The following CAMKK2 variants were observed in gnomAD, a reference collection of about 807,000 sequenced individuals.
The protein encoded by CAMKK2 is calcium/calmodulin dependent protein kinase kinase 2, also known as calcium/calmodulin-dependent protein kinase kinase 2.
CAMKK2 carries 30 observed loss-of-function variants against 67.2 expected under a neutral mutation model. The ratio of observed to expected loss-of-function variants is 0.45; its 90% CI spans 0.33 to 0.61. CAMKK2 has a LOEUF of 0.61. Ranked by LOEUF, CAMKK2 falls within the 20% of genes least tolerant of loss-of-function variation. CAMKK2 has a pLI of 0.02. For synonymous variants in CAMKK2, 322 were observed against 326.2 expected, an observed-to-expected ratio of 0.99 and a Z score of 0.14; for missense variants, 643 against 802.0, an observed-to-expected ratio of 0.80 and a Z score of 2.39.
rs1442420276 is a variant in CAMKK2 at position 121,245,017 on chromosome 12, A to T, written c.1553+123T>A. ...TGTCCCAGTGCACCAGGTGGGTTTCATCTGAGTCTCTCCAGATGGCACCAC... is the reference window on the plus strand; with the variant it reads ...TGTCCCAGTGCACCAGGTGGGTTTCTTCTGAGTCTCTCCAGATGGCACCAC... On this transcript the variant is annotated intron_variant, in intron 15 of 16. Transcript: ENST00000404169. This position sits in a 1 kb window ranked among gnomAD's most constrained non-coding sequence, Gnocchi z 5.8. The T allele has an allele frequency of 1.4e-6, 1 of 693,268 alleles. No homozygotes were observed. The highest frequency in any genetic ancestry group is 2.5e-5 in the Admixed American group (1 of 40,546). The allele number at this position is 693,268 out of a possible 1,614,324, so 42.9% of individuals were successfully genotyped here.
chr12:121,288,305 T>A (rs1362990172), intron 1 of CAMKK2, among the ~76,000 whole-genome samples: 1 of 152,182 alleles, frequency 6.6e-6, no homozygotes, highest in South Asian at 2.1e-4. Context: ...CATCGGTGCC[T>A]GGGCTACCCA....
intron 1 of CAMKK2, among the ~76,000 whole-genome samples, chr12:121,288,644 C>T (rs1169553549): frequency 6.6e-6 from 1 of 152,176 alleles, no homozygotes; most frequent in Admixed American, 6.6e-5. Context: ...GCACCACCCA[C>T]AATGCTCCTA....
chr12:121,281,208 G>A (rs1363613072), intron 1 of CAMKK2, among the ~76,000 whole-genome samples: 3 of 152,228 alleles, frequency 2.0e-5, no homozygotes, highest in Admixed American at 6.5e-5. Context: ...CCCGCTAGAC[G>A]CGGGCCTCCA....
At chr12:121,276,083 C>A (rs1226581958) in intron 1 of CAMKK2, among the ~76,000 whole-genome samples, 2 of 150,728 alleles carry the variant, frequency 1.3e-5, no homozygotes, top group African/African-American at 4.9e-5. Context: ...TCACTTGAAC[C>A]CGGGAGGCGG....
chr12:121,250,250 C>T (rs546628988), intron 11 of CAMKK2, among the ~76,000 whole-genome samples: 3 of 152,096 alleles, frequency 2.0e-5, no homozygotes, highest in Admixed American at 2.0e-4. Flanking sequence ...ATGGCCCTCT[C>T]GAAGGGCTAG....
intron 16 of CAMKK2, among the ~76,000 whole-genome samples, chr12:121,242,951 C>T (rs1888665398): frequency 1.3e-5 from 2 of 151,778 alleles, no homozygotes; most frequent in South Asian, 4.1e-4. Context: ...ACTGTGTTAG[C>T]CAGGATGGTC....
upstream of CAMKK2, chr12:121,297,359 G>A (rs1465681963): frequency 1.6e-5 from 5 of 319,508 alleles, no homozygotes; most frequent in South Asian, 2.5e-5. Flanking sequence ...TTCCGCAGCT[G>A]CCTGCCGACT....
chr12:121,277,574 C>T (rs2136481908), intron 1 of CAMKK2, among the ~76,000 whole-genome samples: 1 of 152,330 alleles, frequency 6.6e-6, no homozygotes, highest in Middle Eastern at 3.4e-3. Context: ...CTGACTCACA[C>T]TACAACACAG....
intron 1 of CAMKK2, among the ~76,000 whole-genome samples, chr12:121,292,311 T>C (rs1250423752): frequency 6.6e-6 from 1 of 151,800 alleles, no homozygotes. Flanking sequence ...GTATTTTTAG[T>C]GGGGACGGGG....
At chr12:121,290,145 G>A (rs1339464748) in intron 1 of CAMKK2, among the ~76,000 whole-genome samples, 3 of 152,100 alleles carry the variant, frequency 2.0e-5, no homozygotes, top group Admixed American at 6.6e-5. Flanking sequence ...TCTGTACTCC[G>A]CTTCCCTTGT....
In CAMKK2 at chr12:121,249,315, G is replaced by A. The variant is rs76273431; in HGVS notation, c.1323+472C>T. On this transcript the variant is annotated intron_variant, in intron 13 of 16. Transcript: ENST00000404169. ...ATTTCCTAGAGGGCCAGATATATGT[G>A]TGTGGCATTAGTGGAGATGTGTAGG... Among the ~76,000 whole-genome samples, 4 of 152,358 alleles carry A rather than the reference G, an allele frequency of 2.6e-5. No homozygotes were observed. In the South Asian group the frequency reaches 6.2e-4, roughly 24 times the overall value.
At chr12:121,264,049 G>T in intron 5 of CAMKK2, 110 bp from the exon 6 acceptor site, 1 of 1,011,634 alleles carries the variant, frequency 9.9e-7, no homozygotes, top group Non-Finnish European at 1.4e-6. Flanking sequence ...CACTCTGCAG[G>T]GCTGGAGTGG....
intron 1 of CAMKK2, among the ~76,000 whole-genome samples, chr12:121,291,801 T>A (rs1369502333): frequency 6.6e-6 from 1 of 152,198 alleles, no homozygotes; most frequent in African/African-American, 2.4e-5. Context: ...CTCACGCCTG[T>A]AATCCCAGCA....
chr12:121,270,002 T>C (rs1177189352), intron 3 of CAMKK2: 1 of 162,034 alleles, frequency 6.2e-6, no homozygotes, highest in Non-Finnish European at 1.4e-5. Context: ...TGAGCCAAGA[T>C]TTCGGCACTG....
At chr12:121,277,644 A>G (rs1897058571) in intron 1 of CAMKK2, among the ~76,000 whole-genome samples, 1 of 152,248 alleles carries the variant, frequency 6.6e-6, no homozygotes. Context: ...CAAGTGTTGT[A>G]AGATTTCAGT....
intron 15 of CAMKK2, among the ~76,000 whole-genome samples, 156 bp downstream of exon 15, chr12:121,244,984 G>A (rs530357661): frequency 6.6e-6 from 1 of 152,236 alleles, no homozygotes; most frequent in African/African-American, 2.4e-5. Context: ...CCAGGTTGGG[G>A]TGCTGACTGT....
At chr12:121,255,693 C>T in intron 8 of CAMKK2, 55 bp from the exon 9 acceptor site, 1 of 1,607,894 alleles carries the variant, frequency 6.2e-7, no homozygotes, top group Non-Finnish European at 8.5e-7. Flanking sequence ...CCCTTGCCCT[C>T]TCTCATGAGC....
chr12:121,244,664 G>C, intron 15 of CAMKK2, 49 bp from the exon 16 acceptor site: 1 of 1,421,344 alleles, frequency 7.0e-7, no homozygotes, highest in Non-Finnish European at 9.6e-7. Context: ...GGACCCTTGG[G>C]ATCCACGGGA....
In CAMKK2 at chr12:121,269,769, C is replaced by T. The variant is rs139959825; in HGVS notation, c.520-188G>A. 7.8e-4 allele frequency: 460 copies of T among 586,164 alleles called. 2 individuals are homozygous for T. The highest frequency in any genetic ancestry group is 3.5e-3 in the African/African-American group (188 of 53,732). The allele number at this position is 586,164 out of a possible 1,614,324, so 36.3% of individuals were successfully genotyped here. ...AGATTTAAAAACAGAAAGATCTGGG[C>T]GGAGCGCAGTGGCTCATACCTGTAA... On this transcript the variant is annotated intron_variant, in intron 3 of 16. Coordinates refer to ENST00000404169, the MANE Select transcript of CAMKK2 (RefSeq NM_001270485.2).
Sources: gnomAD v4.1 joint callset for allele counts (sites outside exome capture counted in the v4.1 genomes callset) on GRCh38, gnomAD v4.1.1 for gene constraint, Gnocchi (gnomAD v3.1) non-coding constraint, MANE v1.5 for transcripts, NCBI Gene and HGNC (gene_info 2026-07-23, HGNC 2026-07-21) for gene names.